Variants in INTU observed in about 807,000 individuals in gnomAD.
INTU encodes inturned planar cell polarity protein.
In INTU, 68 loss-of-function variants were observed where a neutral mutation model predicts 100.5. The ratio of observed to expected loss-of-function variants is 0.68; its 90% CI spans 0.56 to 0.83. The LOEUF (loss-of-function observed/expected upper bound fraction) is 0.83, where lower values mean the gene tolerates loss of function less well. INTU is among the 40% of genes least tolerant of loss of function. INTU has a pLI of 0.00. For missense variants in INTU, 1,071 were observed against 1,114.7 expected, an observed-to-expected ratio of 0.96 and a Z score of 0.56; for synonymous variants, 357 against 395.7, an observed-to-expected ratio of 0.90 and a Z score of 1.16.
intron 1 of INTU, among the ~76,000 whole-genome samples, chr4:127,641,034 C>T (rs185214639): frequency 1.7e-4 from 26 of 151,586 alleles, no homozygotes; most frequent in African/African-American, 6.3e-4. Context: ...TCTCTCCCCA[C>T]CTAATCAGTC....
intron 1 of INTU, among the ~76,000 whole-genome samples, chr4:127,634,368 ATT>A (rs1726975713): frequency 6.6e-6 from 1 of 152,214 alleles, no homozygotes; most frequent in Non-Finnish European, 1.5e-5. Flanking sequence ...GCTTCTCCAC[ATT>A]TTAGAGTCGC....
rs192595034 is a variant in INTU at position 127,691,834 on chromosome 4, A to G, written c.1449+3967A>G. The stretch of plus-strand genomic sequence containing the variant: ...GCTTAGCTCCCACCTATGAGTGAGA[A>G]CATATGATGTTTGGTTTTCCATTTC... On this transcript the variant is annotated intron_variant, in intron 8 of 15. Transcript: ENST00000335251. Among the ~76,000 whole-genome samples, 47 of 151,820 alleles carry G rather than the reference A, an allele frequency of 3.1e-4. 1 individual carries two copies. In the South Asian group the frequency reaches 4.2e-3, roughly 13 times the overall value.
At chr4:127,646,228 A>G (rs1364384114) in intron 2 of INTU, among the ~76,000 whole-genome samples, 4 of 152,102 alleles carry the variant, frequency 2.6e-5, no homozygotes, top group Non-Finnish European at 5.9e-5. Context: ...TTATGCAACA[A>G]TAGATGACTG....
chr4:127,633,688 G>A (rs1324201686), intron 1 of INTU, among the ~76,000 whole-genome samples: 2 of 152,128 alleles, frequency 1.3e-5, no homozygotes, highest in Non-Finnish European at 2.9e-5. Context: ...TCACCATCAA[G>A]GACAACCTCT....
At position 127,716,555 on chromosome 4, in the gene INTU, A is replaced by G. The variant is rs1218895407; in HGVS notation, c.*119A>G. 4.1e-4 allele frequency: 164 copies of G among 404,356 alleles called. 1 individual carries two copies. The East Asian group carries it at 5.9e-3, about 15-fold the overall frequency. The allele number at this position is 404,356 out of a possible 1,614,324, so 25.0% of individuals were successfully genotyped here. A position where few individuals can be genotyped will look rare whatever the true frequency, so the allele number is the denominator to read the frequency against. ...CTTTTTACTATTCAATATTGAACAT[A>G]ATATTGTTAAATATTGAGATGAAAT... On this transcript the variant is annotated 3_prime_UTR_variant, in exon 16 of 16. Coordinates refer to ENST00000335251, the MANE Select transcript of INTU (RefSeq NM_015693.4).
intron 2 of INTU, among the ~76,000 whole-genome samples, chr4:127,646,404 GTAGT>G (rs1194279220): frequency 6.6e-6 from 1 of 152,088 alleles, no homozygotes; most frequent in African/African-American, 2.4e-5. Context: ...CTGTGAGTTG[GTAGT>G]TAGATCTTGA....
intron 6 of INTU, among the ~76,000 whole-genome samples, chr4:127,680,116 C>T (rs77427311): frequency 0.45 from 67,824 of 151,782 alleles, 15,900 homozygotes; most frequent in Middle Eastern, 0.66. Context: ...TAATCAATAG[C>T]TTACCAACCA....
intron 5 of INTU, among the ~76,000 whole-genome samples, chr4:127,672,112 T>G (rs1216406856): frequency 6.6e-6 from 1 of 152,188 alleles, no homozygotes; most frequent in Admixed American, 6.5e-5. Context: ...CATCCATCTA[T>G]TAAAACTGTA....
rs760950779 is a variant in INTU, at chr4:127,720,613, A to T, written c.*4177A>T. On this transcript the variant is annotated 3_prime_UTR_variant, in exon 16 of 16. Transcript: ENST00000335251. ...CCCACTATTATTGTGTGGAAATCTA[A>T]GTCTCTTTTTGGGTCTCTAAGAACT... 2 of 152,142 alleles carry T rather than the reference A, an allele frequency of 1.3e-5. No homozygotes were observed. Among genetic ancestry groups the T allele is most frequent in the Admixed American group, 6.5e-5 (1 of 15,272 alleles). 9.4% of individuals were successfully genotyped at this position (152,142 alleles called of 1,614,324 possible). A position where few individuals can be genotyped will look rare whatever the true frequency, so the allele number is the denominator to read the frequency against.
In INTU at chr4:127,721,380, C is replaced by G. The variant is rs978378905; in HGVS notation, c.*4944C>G. 1 of 152,198 alleles carries G rather than the reference C, an allele frequency of 6.6e-6. No individual in the cohort carries two copies. The highest frequency in any genetic ancestry group is 1.5e-5 in the Non-Finnish European group (1 of 68,042). The allele number at this position is 152,198 out of a possible 1,614,324, so 9.4% of individuals were successfully genotyped here. A position where few individuals can be genotyped will look rare whatever the true frequency, so the allele number is the denominator to read the frequency against. ...GGCTTCCCTTTATAAGTGACCTGGC[C>G]TATCTCTCTGACTGCCCTTAACATT... On this transcript the variant is annotated 3_prime_UTR_variant, in exon 16 of 16. Coordinates refer to ENST00000335251, the MANE Select transcript of INTU (RefSeq NM_015693.4).
chr4:127,649,177 C>A (rs1309913226), intron 2 of INTU, among the ~76,000 whole-genome samples: 1 of 152,036 alleles, frequency 6.6e-6, no homozygotes, highest in Non-Finnish European at 1.5e-5. Context: ...TAATGGGTTG[C>A]CTTAAAGGAA....
intron 9 of INTU, among the ~76,000 whole-genome samples, chr4:127,701,156 A>G: frequency 6.6e-6 from 1 of 152,184 alleles, no homozygotes; most frequent in Non-Finnish European, 1.5e-5. Context: ...CTACCAACTT[A>G]TAGGAAATAC....
In INTU at chr4:127,686,547, C is replaced by G. The variant is rs557990315; in HGVS notation, c.1260-1131C>G. The stretch of plus-strand genomic sequence containing the variant: ...CACCCTGGCAAAGCTTTTCCCCAGC[C>G]CAGGGCTTTTGTACTTTTTCTTCTT... On this transcript the variant is annotated intron_variant, in intron 7 of 15. Transcript: ENST00000335251. The G allele has an allele frequency of 4.6e-5, 7 of 152,310 alleles. No homozygotes were observed. The East Asian group carries it at 1.3e-3, about 29-fold the overall frequency. The allele number at this position is 152,310 out of a possible 1,614,324, so 9.4% of individuals were successfully genotyped here.
intron 1 of INTU, among the ~76,000 whole-genome samples, chr4:127,635,561 G>T (rs1727030939): frequency 6.6e-6 from 1 of 152,198 alleles, no homozygotes; most frequent in Non-Finnish European, 1.5e-5. Context: ...TTTTAAATGA[G>T]ATATTAGCTG....
Position 127,707,013 on chromosome 4 carries a change from C to CT in INTU, c.2271+45dup, listed in dbSNP as rs780608198. The CT allele has an allele frequency of 4.5e-6, 7 of 1,545,646 alleles. No homozygotes were observed. In the South Asian group the frequency reaches 6.3e-5, roughly 14 times the overall value. On this transcript the variant is annotated intron_variant, in intron 12 of 15. Coordinates refer to ENST00000335251, the MANE Select transcript of INTU (RefSeq NM_015693.4). ...GTGTATGTTCTGGGAGCTAAGTTGTCTCTCCAGTCCTTGTTTTATAATTGC... is the reference window on the plus strand; with the variant it reads ...GTGTATGTTCTGGGAGCTAAGTTGTCTTCTCCAGTCCTTGTTTTATAATTGC...
rs1449975009 is a variant in INTU, at chr4:127,718,571, G to A, written c.*2135G>A. Reference sequence around the variant, plus strand: ...TAACATTGACTCTATAAATTACTTTGGGCAGTATGGCTATTTTCATGATAT... The same window carrying A: ...TAACATTGACTCTATAAATTACTTTAGGCAGTATGGCTATTTTCATGATAT... On this transcript the variant is annotated 3_prime_UTR_variant, in exon 16 of 16. Transcript: ENST00000335251. The A allele has an allele frequency of 1.3e-5, 2 of 152,072 alleles. No homozygotes were observed. The highest frequency in any genetic ancestry group is 4.8e-5 in the African/African-American group (2 of 41,396). 9.4% of individuals were successfully genotyped at this position (152,072 alleles called of 1,614,324 possible).
chr4:127,703,290 G>T (rs993842494), intron 9 of INTU, among the ~76,000 whole-genome samples: 5 of 151,968 alleles, frequency 3.3e-5, no homozygotes, highest in African/African-American at 7.3e-5. Flanking sequence ...GTTTCATTGG[G>T]TTTTTTAAAA....
In INTU at chr4:127,708,648, A is replaced by C; in HGVS notation, c.2349A>C (p.Leu783Phe). 1.9e-6 allele frequency: 3 copies of C among 1,567,874 alleles called. No homozygotes were observed. Among genetic ancestry groups the C allele is most frequent in the Non-Finnish European group, 2.6e-6 (3 of 1,141,852 alleles). Residue 783 changes from leucine to phenylalanine, a missense_variant, in exon 13 of 16, where the codon TTA (leucine) becomes TTC (phenylalanine). Leu to Phe is a conservative substitution (Grantham distance 22). Coordinates refer to ENST00000335251, the MANE Select transcript of INTU (RefSeq NM_015693.4). The part of the protein sequence containing the change: ...NLKKDLPEKE[L>F]EIYNTVKLTS... Reference sequence around the variant, plus strand: ...AAAAGGACCTTCCAGAAAAAGAATTAGAAATATATAACACAGTGAAGTAAG... The same window carrying C: ...AAAAGGACCTTCCAGAAAAAGAATTCGAAATATATAACACAGTGAAGTAAG...
chr4:127,682,453 A>G (rs1454987064), intron 6 of INTU, among the ~76,000 whole-genome samples: 7 of 152,172 alleles, frequency 4.6e-5, no homozygotes, highest in South Asian at 2.1e-4. Context: ...TGTCCTTTGT[A>G]GGAACATGGA....
Sources: allele counts gnomAD v4.1 joint callset (sites outside exome capture counted in the v4.1 genomes callset), GRCh38; gene constraint gnomAD v4.1.1; transcripts MANE v1.5; gene names NCBI Gene and HGNC (gene_info 2026-07-23, HGNC 2026-07-21).